CHD1: variants seen among roughly 807,000 people sequenced by gnomAD.
The protein encoded by CHD1 is ATP-dependent chromatin remodeler CHD1.
In CHD1, 36 loss-of-function variants were observed where a neutral mutation model predicts 224.2. The ratio of observed to expected loss-of-function variants is 0.16; its 90% CI spans 0.12 to 0.21. The LOEUF (loss-of-function observed/expected upper bound fraction) is 0.21. Ranked by LOEUF, CHD1 falls within the 10% of genes least tolerant of loss-of-function variation. The pLI, the probability that CHD1 is intolerant of heterozygous loss-of-function variation, is 1.00. For synonymous variants in CHD1, 668 were observed against 658.3 expected, an observed-to-expected ratio of 1.01 and a Z score of -0.23; for missense variants, 1,378 against 1,994.8, an observed-to-expected ratio of 0.69 and a Z score of 5.89.
At position 98,885,623 on chromosome 5, in the gene CHD1, T is replaced by A. The variant is rs752545348; in HGVS notation, c.2523A>T (p.Glu841Asp). Residue 841 changes from glutamate (E) to aspartate (D), a missense_variant, in exon 18 of 36, where the codon GAA (glutamate) becomes GAT (aspartate). Transcript: ENST00000614616. ...FQRLDGSIKG[E>D]LRKQALDHFN... is the part of the protein sequence containing the mutation. ...AATGATCTAGAGCTTGTTTCCTCAG[T>A]TCTCCTTTTATTGATCCATCTAATC... 1.2e-5 allele frequency: 19 copies of A among 1,601,438 alleles called. No individual in the cohort carries two copies. Among genetic ancestry groups the A allele is most frequent in the Non-Finnish European group, 1.5e-5 (17 of 1,170,924 alleles).
chr5:98,878,969 G>A (rs577016791), intron 23 of CHD1, among the ~76,000 whole-genome samples: 163 of 152,264 alleles, frequency 1.1e-3, no homozygotes, highest in African/African-American at 3.3e-3. Flanking sequence ...GCAGTGGCTC[G>A]TGCTATAGTC....
At chr5:98,864,517 C>CAAAAAA (rs67061692) in intron 31 of CHD1, among the ~76,000 whole-genome samples, 3 of 58,154 alleles carry the variant, frequency 5.2e-5, no homozygotes, top group Admixed American at 2.2e-4. Context: ...GATTCTATAC[C>CAAAAAA]AAAAAAAAAA....
Position 98,881,071 on chromosome 5 carries a change from T to A in CHD1, c.3060+5A>T, listed in dbSNP as rs957361326. Reference sequence around the variant, plus strand: ...AATTACAAGGAAAATTTTGTTTAAATCTACCTTGAACTGGGAAAGCAATTC... The same window carrying A: ...AATTACAAGGAAAATTTTGTTTAAAACTACCTTGAACTGGGAAAGCAATTC... On this transcript the variant is annotated splice_donor_5th_base_variant and intron_variant, in intron 22 of 35. Coordinates refer to ENST00000614616, the MANE Select transcript of CHD1 (RefSeq NM_001270.4). 4 of 1,588,386 alleles carry A rather than the reference T, an allele frequency of 2.5e-6. No individual in the cohort carries two copies. In the Admixed American group the frequency reaches 6.8e-5, roughly 27 times the overall value.
At chr5:98,879,514 C>A in intron 23 of CHD1, 38 bp downstream of exon 23, 1 of 1,556,054 alleles carries the variant, frequency 6.4e-7, no homozygotes, top group Non-Finnish European at 8.6e-7. Context: ...GTTGAATACT[C>A]TTACTTTATA....
chr5:98,887,277 C>T (rs1366594832), intron 17 of CHD1, among the ~76,000 whole-genome samples: 2 of 152,162 alleles, frequency 1.3e-5, no homozygotes, highest in Non-Finnish European at 2.9e-5. Flanking sequence ...TTCTTCACAA[C>T]ACTTACCAGA....
chr5:98,892,305 T>C (rs1024342166), intron 15 of CHD1, among the ~76,000 whole-genome samples: 1 of 152,198 alleles, frequency 6.6e-6, no homozygotes, highest in Non-Finnish European at 1.5e-5. Context: ...TAATTATGTG[T>C]CAGAAGATGA....
Position 98,896,293 on chromosome 5 carries a change from T to G in CHD1, c.1643A>C (p.Glu548Ala), listed in dbSNP as rs1486241059. 1 of 1,614,044 alleles carries G rather than the reference T, an allele frequency of 6.2e-7. No homozygotes were observed. Among genetic ancestry groups the G allele is most frequent in the Non-Finnish European group, 8.5e-7 (1 of 1,180,018 alleles). ...CATTTGAGAAGCCCAAGTCTGAATT[T>G]CCCTTTGCCAGGAAGTAAGAGTGGA... is the stretch of plus-strand genomic sequence containing the variant. ...PLSTLTSWQR[E>A]IQTWASQMNA... Residue 548 changes from glutamate to alanine, a missense_variant, in exon 12 of 36, where the codon GAA (glutamate) becomes GCA (alanine). By Grantham distance (107) the Glu-to-Ala change is moderately radical. Coordinates refer to ENST00000614616, the MANE Select transcript of CHD1 (RefSeq NM_001270.4).
rs17166424 is a variant in CHD1 at position 98,892,164 on chromosome 5, C to G, written c.2180+361G>C. Among the ~76,000 whole-genome samples the G allele has an allele frequency of 9.8e-3, 1,493 of 152,218 alleles. 28 individuals are homozygous for G. The highest frequency in any genetic ancestry group is 0.034 in the African/African-American group (1,422 of 41,528). ...AATACTCTTCAAAAAGCAGCAGAGC[C>G]TAAAATTTTTTTCTAAGTTTCTTTT... On this transcript the variant is annotated intron_variant, in intron 15 of 35. Coordinates refer to ENST00000614616, the MANE Select transcript of CHD1 (RefSeq NM_001270.4).
intron 10 of CHD1, among the ~76,000 whole-genome samples, 183 bp downstream of exon 10, chr5:98,898,072 TA>T (rs1290831503): frequency 6.6e-6 from 1 of 152,026 alleles, no homozygotes. Flanking sequence ...AATAAAAAAT[TA>T]TAAAACTAAA....
intron 2 of CHD1, among the ~76,000 whole-genome samples, chr5:98,906,957 C>G (rs1752085052): frequency 6.6e-6 from 1 of 152,140 alleles, no homozygotes; most frequent in Admixed American, 6.5e-5. Context: ...AGCAGAGTGC[C>G]TCACACAGAT....
Position 98,856,298 on chromosome 5 carries a change from C to A in CHD1, c.*82G>T. ...TGATAGAAGATCTGTTTATATCTTT[C>A]AAGTCATGTAAGGCAATTACTGTGT... On this transcript the variant is annotated 3_prime_UTR_variant, in exon 36 of 36. Coordinates refer to ENST00000614616, the MANE Select transcript of CHD1 (RefSeq NM_001270.4). 3 of 980,500 alleles carry A rather than the reference C, an allele frequency of 3.1e-6. No individual in the cohort carries two copies. Among genetic ancestry groups the A allele is most frequent in the Non-Finnish European group, 4.7e-6 (3 of 640,722 alleles). 60.7% of individuals were successfully genotyped at this position (980,500 alleles called of 1,614,324 possible). A position where few individuals can be genotyped will look rare whatever the true frequency, so the allele number is the denominator to read the frequency against.
chr5:98,880,938 T>A, intron 22 of CHD1, 138 bp downstream of exon 22: 1 of 641,528 alleles, frequency 1.6e-6, no homozygotes. Context: ...CTGGTTTGTC[T>A]GAACAAGAGA....
chr5:98,883,841 ATATATATATATATATATATATTTTTT>A (rs1475152812), intron 18 of CHD1: 7 of 48,608 alleles, frequency 1.4e-4, no homozygotes, highest in South Asian at 1.6e-3. Flanking sequence ...ATATATATAT[ATATATATATATATATATATATTTTTT>A]TTTTTTTTTT....
chr5:98,892,427 A>G, intron 15 of CHD1, 98 bp downstream of exon 15: 6 of 770,446 alleles, frequency 7.8e-6, no homozygotes, highest in South Asian at 2.5e-5. Flanking sequence ...CTGCTCTAAG[A>G]CACTATTGTA....
intron 7 of CHD1, 21 bp from the exon 8 acceptor site, chr5:98,899,726 T>A (rs1238199809): frequency 2.6e-6 from 4 of 1,522,220 alleles, no homozygotes; most frequent in Non-Finnish European, 3.6e-6. Context: ...AAGCACAAGA[T>A]CCTTCCATGT....
chr5:98,862,155 C>CA (rs1324450700), intron 32 of CHD1, among the ~76,000 whole-genome samples: 1 of 151,952 alleles, frequency 6.6e-6, no homozygotes, highest in Non-Finnish European at 1.5e-5. Flanking sequence ...GATTCCATCT[C>CA]AAAAAAATAA....
At chr5:98,858,938 T>A in intron 34 of CHD1, 26 bp downstream of exon 34, 5 of 1,473,450 alleles carry the variant, frequency 3.4e-6, no homozygotes, top group Non-Finnish European at 3.6e-6. Context: ...TTTAATTTAT[T>A]TTCCCAATCA....
chr5:98,869,618 G>GCA lies in CHD1; in HGVS notation c.4107+135_4107+136insTG, dbSNP rs1401470155. On this transcript the variant is annotated intron_variant, in intron 30 of 35. Coordinates refer to ENST00000614616, the MANE Select transcript of CHD1 (RefSeq NM_001270.4). ...GAACTATAAGTGCGTGCGCACGTGCGCGCGCACACACACACACACACACAC... is the reference window on the plus strand; with the variant it reads ...GAACTATAAGTGCGTGCGCACGTGCGCACGCGCACACACACACACACACACAC... The GCA allele has an allele frequency of 6.6e-3, 5,247 of 795,806 alleles. 182 individuals are homozygous for GCA. In the African/African-American group the frequency reaches 0.15, roughly 23 times the overall value. The allele number at this position is 795,806 out of a possible 1,614,324, so 49.3% of individuals were successfully genotyped here.
At chr5:98,869,122 T>G in intron 30 of CHD1, 1 of 941,158 alleles carries the variant, frequency 1.1e-6, no homozygotes, top group South Asian at 4.9e-5. Flanking sequence ...CTTTTTCTTT[T>G]ATCTCCCTTT....
Sources: allele counts gnomAD v4.1 joint callset (sites outside exome capture counted in the v4.1 genomes callset), GRCh38; gene constraint gnomAD v4.1.1; transcripts MANE v1.5; gene names NCBI Gene and HGNC (gene_info 2026-07-23, HGNC 2026-07-21).